COL11A2: variants seen among roughly 807,000 people sequenced by gnomAD.
COL11A2 encodes collagen alpha-2(XI) chain.
Under a neutral mutation model 273.4 loss-of-function variants are expected in COL11A2, and 116 were observed. The observed-to-expected ratio is 0.42, with a 90% CI of 0.36 to 0.49. The LOEUF (loss-of-function observed/expected upper bound fraction) is 0.49, where lower values mean the gene tolerates loss of function less well. Ranked by LOEUF, COL11A2 falls within the 20% of genes least tolerant of loss-of-function variation. The pLI is 0.00. For missense variants in COL11A2, 1,866 were observed against 2,309.0 expected (o/e 0.81, Z 3.93); for synonymous variants, 782 against 864.2 (o/e 0.90, Z 1.67).
chr6:33,169,066 G>A lies in COL11A2; in HGVS notation c.3799-58C>T. ...CAGCTCCCTAAGCCCACCCAGCACA[G>A]ACGCCCACAGGCACACGCCACTGCC... On this transcript the variant is annotated intron_variant, in intron 51 of 65. Transcript: ENST00000341947. The surrounding 1 kb of genome is among the most constrained non-coding windows in gnomAD (Gnocchi z 5.5). 1.3e-6 allele frequency: 2 copies of A among 1,520,938 alleles called. No homozygotes were observed. The highest frequency in any genetic ancestry group is 1.8e-6 in the Non-Finnish European group (2 of 1,125,092). 94.2% of individuals were successfully genotyped at this position (1,520,938 alleles called of 1,614,324 possible). A position where few individuals can be genotyped will look rare whatever the true frequency, so the allele number is the denominator to read the frequency against.
rs1771910560 is a variant in COL11A2 at position 33,182,920 on chromosome 6, G to GC, written c.1119+1224dup. Among the ~76,000 whole-genome samples, 3 of 152,092 alleles carry GC rather than the reference G, an allele frequency of 2.0e-5. No individual in the cohort carries two copies. In the South Asian group the frequency reaches 6.2e-4, roughly 32 times the overall value. ...TCCCCCCAACAAAGATCTTCAGAAT[G>GC]CCCCTCTCCACCTTCATTCTGACCA... On this transcript the variant is annotated intron_variant, in intron 8 of 65. Transcript: ENST00000341947.
At position 33,171,272 on chromosome 6, in the gene COL11A2, T is replaced by G. The variant is rs1175032554; in HGVS notation, c.3311A>C (p.His1104Pro). The G allele has an allele frequency of 2.3e-5, 37 of 1,614,096 alleles. No homozygotes were observed. The highest frequency in any genetic ancestry group is 3.1e-5 in the Non-Finnish European group (37 of 1,180,036). The change falls in exon 44 of 66, where the codon CAT becomes CCT. Residue 1104 changes from histidine to proline, a missense_variant and splice_region_variant. His to Pro is a moderately conservative substitution (Grantham distance 77). Coordinates refer to ENST00000341947, the MANE Select transcript of COL11A2 (RefSeq NM_080680.3). Reference protein sequence around the residue: ...QKGTKGNKGEHGPPGPPGPIG... With the variant: ...QKGTKGNKGEPGPPGPPGPIG... ...GAAGTCAAGGTCATGGACACTTACA[T>G]GTTCACCCTTGTTCCCTTTGGTGCC...
intron 10 of COL11A2, 83 bp downstream of exon 10, chr6:33,180,881 G>C: frequency 6.4e-7 from 1 of 1,574,788 alleles, no homozygotes; most frequent in Admixed American, 1.7e-5. Context: ...GAGGAGGCCT[G>C]GGCATATGTG....
At chr6:33,193,137 T>C (rs1773366739), upstream of COL11A2, among the ~76,000 whole-genome samples, 1 of 152,016 alleles carries the variant, frequency 6.6e-6, no homozygotes, top group Non-Finnish European at 1.5e-5. Context: ...CAGTCGACTC[T>C]GGTTGGAAGG....
At position 33,178,379 on chromosome 6, in the gene COL11A2, G is replaced by A. The variant is rs1771222388; in HGVS notation, c.1774-27C>T. ...TGGAGGAGGAGGACACGGTAAAGCTGCTGTGCCTTCTAGACCTCCCCTGCA... is the reference window on the plus strand; with the variant it reads ...TGGAGGAGGAGGACACGGTAAAGCTACTGTGCCTTCTAGACCTCCCCTGCA... On this transcript the variant is annotated intron_variant, in intron 19 of 65. Transcript: ENST00000341947. This position sits in a 1 kb window ranked among gnomAD's most constrained non-coding sequence, Gnocchi z 4.6. 1.2e-6 allele frequency: 2 copies of A among 1,612,834 alleles called. No individual in the cohort carries two copies. Among genetic ancestry groups the A allele is most frequent in the Non-Finnish European group, 1.7e-6 (2 of 1,179,948 alleles).
intron 41 of COL11A2, 44 bp from the exon 42 acceptor site, chr6:33,171,864 C>A: frequency 6.2e-7 from 1 of 1,600,110 alleles, no homozygotes; most frequent in Non-Finnish European, 8.6e-7. Flanking sequence ...AGACACCAGC[C>A]CGCCCATACC....
At position 33,188,481 on chromosome 6, in the gene COL11A2, G is replaced by C; in HGVS notation, c.487C>G (p.Leu163Val). 6.2e-7 allele frequency: 1 copy of C among 1,613,076 alleles called. No individual in the cohort carries two copies. Residue 163 changes from leucine (L) to valine (V), a missense_variant, in exon 4 of 66, where the codon CTC becomes GTC. Coordinates refer to ENST00000341947, the MANE Select transcript of COL11A2 (RefSeq NM_080680.3). ...AVAVKGQSVT[L>V]IVDCKKRVTR... is the part of the protein sequence containing the mutation. ...ACTCGCTTCTTGCAGTCAACAATGA[G>C]GGTGACAGACTGGCCCTTCACAGCC...
rs1769364089 is a variant in COL11A2 at position 33,167,650 on chromosome 6, C to T, written c.4015-117G>A. 6.9e-6 allele frequency: 10 copies of T among 1,458,564 alleles called. No homozygotes were observed. In the South Asian group the frequency reaches 8.3e-5, roughly 12 times the overall value. The allele number at this position is 1,458,564 out of a possible 1,614,324, so 90.4% of individuals were successfully genotyped here. ...GAGGAAGGGCCAAACTCTAGGAGCCCCTAGCGCAGGAACAAGTACAGGGAA... is the reference window on the plus strand; with the variant it reads ...GAGGAAGGGCCAAACTCTAGGAGCCTCTAGCGCAGGAACAAGTACAGGGAA... On this transcript the variant is annotated intron_variant, in intron 55 of 65. Coordinates refer to ENST00000341947, the MANE Select transcript of COL11A2 (RefSeq NM_080680.3). This position sits in a 1 kb window ranked among gnomAD's most constrained non-coding sequence, Gnocchi z 6.1.
Position 33,173,232 on chromosome 6 carries a change from C to G in COL11A2, c.2736+116G>C. The G allele has an allele frequency of 6.6e-7, 1 of 1,521,920 alleles. No individual in the cohort carries two copies. The highest frequency in any genetic ancestry group is 1.9e-4 in the Middle Eastern group (1 of 5,358). 94.3% of individuals were successfully genotyped at this position (1,521,920 alleles called of 1,614,324 possible). A position where few individuals can be genotyped will look rare whatever the true frequency, so the allele number is the denominator to read the frequency against. On this transcript the variant is annotated intron_variant, in intron 37 of 65. Coordinates refer to ENST00000341947, the MANE Select transcript of COL11A2 (RefSeq NM_080680.3). This position sits in a 1 kb window ranked among gnomAD's most constrained non-coding sequence, Gnocchi z 6.3. ...AGCCCTGGGCCCTGGGTCTGAGCAG[C>G]ACCAGGGCAGGCTCCACTCTGCCAG...
Position 33,164,744 on chromosome 6 carries a change from TC to T in COL11A2, c.4863+107del. The T allele has an allele frequency of 1.1e-6, 1 of 942,640 alleles. No individual in the cohort carries two copies. Among genetic ancestry groups the T allele is most frequent in the Non-Finnish European group, 1.6e-6 (1 of 612,906 alleles). The allele number at this position is 942,640 out of a possible 1,614,324, so 58.4% of individuals were successfully genotyped here. ...AAGAAGTGGAGAAGGGGTGGCAGGC[TC>T]CGGGGGGGGCAACAGCCAGGGGACT... is the stretch of plus-strand genomic sequence containing the variant. On this transcript the variant is annotated intron_variant, in intron 64 of 65. Coordinates refer to ENST00000341947, the MANE Select transcript of COL11A2 (RefSeq NM_080680.3). The surrounding 1 kb of genome is among the most constrained non-coding windows in gnomAD (Gnocchi z 4.7).
chr6:33,174,872 T>C (rs2150562779), intron 30 of COL11A2, among the ~76,000 whole-genome samples: 1 of 152,090 alleles, frequency 6.6e-6, no homozygotes, highest in Middle Eastern at 3.4e-3. Flanking sequence ...CATGTCAACC[T>C]CAGCTCCATC....
intron 12 of COL11A2, 147 bp downstream of exon 12, chr6:33,180,111 C>T (rs950437573): frequency 4.5e-5 from 41 of 917,880 alleles, no homozygotes; most frequent in Non-Finnish European, 6.3e-5. Context: ...ATCTCCCCAA[C>T]CCCAAAGACG....
chr6:33,168,942 G>T lies in COL11A2; in HGVS notation c.3852+13C>A, dbSNP rs1769621895. On this transcript the variant is annotated intron_variant, in intron 52 of 65. Coordinates refer to ENST00000341947, the MANE Select transcript of COL11A2 (RefSeq NM_080680.3). ...ACCCTTTTTGCCCCTTCCCTTCTCT[G>T]AGTAAGACTCACCCGAGGGCCACCT... 6.3e-7 allele frequency: 1 copy of T among 1,585,146 alleles called. No homozygotes were observed. Among genetic ancestry groups the T allele is most frequent in the East Asian group, 2.4e-5 (1 of 42,324 alleles).
chr6:33,170,666 C>G lies in COL11A2; in HGVS notation c.3475-56G>C. On this transcript the variant is annotated intron_variant, in intron 46 of 65. Transcript: ENST00000341947. This position sits in a 1 kb window ranked among gnomAD's most constrained non-coding sequence, Gnocchi z 4.3. ...TGACGACCCCACCCAAAGCACAGCC[C>G]TAGGCAGATAGGCCCCACAGTCCCC... is the stretch of plus-strand genomic sequence containing the variant. The G allele has an allele frequency of 6.2e-7, 1 of 1,607,538 alleles. No homozygotes were observed. Among genetic ancestry groups the G allele is most frequent in the Non-Finnish European group, 8.5e-7 (1 of 1,175,196 alleles).
In COL11A2 at chr6:33,177,969, G is replaced by A; in HGVS notation, c.1872+163C>T. Reference sequence around the variant, plus strand: ...CCACATGGCCCTCCCTGTGCACGGGGAGCGAATGCTGAGGCAGGGCAGTGT... The same window carrying A: ...CCACATGGCCCTCCCTGTGCACGGGAAGCGAATGCTGAGGCAGGGCAGTGT... On this transcript the variant is annotated intron_variant, in intron 21 of 65. Coordinates refer to ENST00000341947, the MANE Select transcript of COL11A2 (RefSeq NM_080680.3). The surrounding 1 kb of genome is among the most constrained non-coding windows in gnomAD (Gnocchi z 5.9). 1 of 835,484 alleles carries A rather than the reference G, an allele frequency of 1.2e-6. No homozygotes were observed. Among genetic ancestry groups the A allele is most frequent in the Non-Finnish European group, 1.9e-6 (1 of 523,846 alleles). The allele number at this position is 835,484 out of a possible 1,614,324, so 51.8% of individuals were successfully genotyped here. A position where few individuals can be genotyped will look rare whatever the true frequency, so the allele number is the denominator to read the frequency against.
In COL11A2 at chr6:33,176,004, G is replaced by T. The variant is rs546303651; in HGVS notation, c.2268+12C>A. On this transcript the variant is annotated intron_variant, in intron 29 of 65. Coordinates refer to ENST00000341947, the MANE Select transcript of COL11A2 (RefSeq NM_080680.3). This position sits in a 1 kb window ranked among gnomAD's most constrained non-coding sequence, Gnocchi z 4.9. ...AACACGGAATTGGGGCCAGTGTGGG[G>T]TCTCTACTCACCCTGTCACCTTTCA... is the stretch of plus-strand genomic sequence containing the variant. 16 of 1,612,844 alleles carry T rather than the reference G, an allele frequency of 9.9e-6. No homozygotes were observed. In the Admixed American group the frequency reaches 2.0e-4, roughly 20 times the overall value.
intron 5 of COL11A2, chr6:33,186,324 A>T: frequency 8.1e-7 from 1 of 1,239,800 alleles, no homozygotes; most frequent in Non-Finnish European, 1.1e-6. Context: ...CCCAGCTCTC[A>T]CCCCTCTCCC....
At position 33,170,244 on chromosome 6, in the gene COL11A2, G is replaced by C; in HGVS notation, c.3582+82C>G. ...AAGGGCTTCTCTTGGCCCCTGAGAC[G>C]ATACTAGAGTTTATGGTCTGGGAAA... On this transcript the variant is annotated intron_variant, in intron 48 of 65. Coordinates refer to ENST00000341947, the MANE Select transcript of COL11A2 (RefSeq NM_080680.3). This position sits in a 1 kb window ranked among gnomAD's most constrained non-coding sequence, Gnocchi z 4.3. The C allele has an allele frequency of 7.6e-6, 12 of 1,571,402 alleles. No individual in the cohort carries two copies. The highest frequency in any genetic ancestry group is 1.0e-5 in the Non-Finnish European group (12 of 1,146,564).
Position 33,179,983 on chromosome 6 carries a change from C to G in COL11A2, c.1360-178G>C, listed in dbSNP as rs1199470105. On this transcript the variant is annotated intron_variant, in intron 12 of 65. Transcript: ENST00000341947. The surrounding 1 kb of genome is among the most constrained non-coding windows in gnomAD (Gnocchi z 6.4). Reference sequence around the variant, plus strand: ...GAAACTCAACTCCTGCCCTCCTCCACTGTCCAGCCTCTGCCTCCAGAAAGA... The same window carrying G: ...GAAACTCAACTCCTGCCCTCCTCCAGTGTCCAGCCTCTGCCTCCAGAAAGA... 1.3e-5 allele frequency among the ~76,000 whole-genome samples: 2 copies of G among 152,230 alleles called. No homozygotes were observed. The highest frequency in any genetic ancestry group is 2.4e-5 in the African/African-American group (1 of 41,462).
Sources: allele counts gnomAD v4.1 joint callset (sites outside exome capture counted in the v4.1 genomes callset), GRCh38; gene constraint gnomAD v4.1.1; non-coding constraint Gnocchi (gnomAD v3.1); transcripts MANE v1.5; gene names NCBI Gene and HGNC (gene_info 2026-07-23, HGNC 2026-07-21).